ZNF277: variants seen among roughly 807,000 people sequenced by gnomAD.
ZNF277 encodes the protein zinc finger protein 277, also known as nuclear receptor-interacting factor 4.
A neutral mutation model predicts 60.7 loss-of-function variants in ZNF277; 55 were observed. The observed-to-expected ratio is 0.91, with a 90% CI of 0.73 to 1.13. The LOEUF is 1.13. Among genes scored for constraint, ZNF277 ranks in the 50% most tolerant of loss-of-function variants. ZNF277 has a pLI of 0.00. For missense variants in ZNF277, 510 were observed against 523.0 expected, an observed-to-expected ratio of 0.98 and a Z score of 0.24; for synonymous variants, 178 against 179.3, an observed-to-expected ratio of 0.99 and a Z score of 0.06.
chr7:112,283,746 G>A (rs925197906), intron 1 of ZNF277, among the ~76,000 whole-genome samples: 3 of 152,084 alleles, frequency 2.0e-5, no homozygotes, highest in Non-Finnish European at 2.9e-5. Flanking sequence ...GAACCACAGA[G>A]GAATAATAGA....
intron 4 of ZNF277, among the ~76,000 whole-genome samples, chr7:112,312,953 T>G (rs1036349839): frequency 1.3e-5 from 2 of 152,136 alleles, no homozygotes; most frequent in African/African-American, 4.8e-5. Context: ...TTTTTTCATA[T>G]TTTATGTATA....
At chr7:112,253,190 G>T (rs1382871434) in intron 1 of ZNF277, among the ~76,000 whole-genome samples, 3 of 152,104 alleles carry the variant, frequency 2.0e-5, no homozygotes, top group Non-Finnish European at 4.4e-5. Flanking sequence ...CAAATATCGG[G>T]TGTGGTAAAT....
At chr7:112,318,413 A>G in intron 5 of ZNF277, 140 bp downstream of exon 5, 1 of 653,060 alleles carries the variant, frequency 1.5e-6, no homozygotes. Context: ...TTTTAAAAAT[A>G]TACCCAACGT....
intron 1 of ZNF277, among the ~76,000 whole-genome samples, chr7:112,272,499 T>A (rs765748380): frequency 6.6e-5 from 10 of 152,186 alleles, no homozygotes; most frequent in Non-Finnish European, 1.5e-4. Context: ...TTTGTTTCTT[T>A]GTTTATTTTT....
chr7:112,258,905 A>G (rs1166991596), intron 1 of ZNF277, among the ~76,000 whole-genome samples: 2 of 148,854 alleles, frequency 1.3e-5, no homozygotes, highest in South Asian at 4.1e-4. Context: ...AACAAAACAT[A>G]TCTTCATAAA....
In ZNF277 at chr7:112,278,920, C is replaced by A. The variant is rs563302780; in HGVS notation, c.92-7953C>A. Among the ~76,000 whole-genome samples the A allele has an allele frequency of 3.3e-5, 5 of 152,286 alleles. No individual in the cohort carries two copies. The South Asian group carries it at 1.0e-3, about 32-fold the overall frequency. Reference sequence around the variant, plus strand: ...CCCCTTTTCCCCACTTTCCCCAGCCCTGGCAACCACCATTCTACTTTCTGC... The same window carrying A: ...CCCCTTTTCCCCACTTTCCCCAGCCATGGCAACCACCATTCTACTTTCTGC... On this transcript the variant is annotated intron_variant, in intron 1 of 11. Transcript: ENST00000361822.
chr7:112,276,627 C>T (rs180837274), intron 1 of ZNF277, among the ~76,000 whole-genome samples: 1 of 152,120 alleles, frequency 6.6e-6, no homozygotes, highest in African/African-American at 2.4e-5. Context: ...AATTTTAGAA[C>T]CCACTCCTAT....
chr7:112,240,557 CAAA>C (rs755323658), intron 1 of ZNF277, among the ~76,000 whole-genome samples: 19 of 151,778 alleles, frequency 1.3e-4, no homozygotes, highest in Non-Finnish European at 2.5e-4. Context: ...TATGTACCCA[CAAA>C]AAAATTTTTA....
At chr7:112,322,521 T>C (rs1020921785) in intron 5 of ZNF277, among the ~76,000 whole-genome samples, 13 of 152,084 alleles carry the variant, frequency 8.5e-5, no homozygotes, top group Non-Finnish European at 1.8e-4. Context: ...TTAAAAAAAA[T>C]ACTTTCTGGC....
chr7:112,282,501 A>G (rs1306909207), intron 1 of ZNF277, among the ~76,000 whole-genome samples: 3 of 152,214 alleles, frequency 2.0e-5, no homozygotes, highest in African/African-American at 7.2e-5. Flanking sequence ...ATTTTGTGCT[A>G]TCTCCCCAGC....
intron 1 of ZNF277, among the ~76,000 whole-genome samples, chr7:112,241,086 G>T (rs1042762136): frequency 1.3e-5 from 2 of 151,674 alleles, no homozygotes; most frequent in South Asian, 4.2e-4. Context: ...ATCGGAGAAC[G>T]TATTTGCAAA....
chr7:112,265,738 C>CT (rs1791536143), intron 1 of ZNF277, among the ~76,000 whole-genome samples: 1 of 152,078 alleles, frequency 6.6e-6, no homozygotes, highest in South Asian at 2.1e-4. Flanking sequence ...GGTATTTTTT[C>CT]TTTTCACTTT....
chr7:112,280,751 G>T (rs1294001398), intron 1 of ZNF277, among the ~76,000 whole-genome samples: 1 of 151,666 alleles, frequency 6.6e-6, no homozygotes, highest in African/African-American at 2.4e-5. Context: ...TCAGCCTCCC[G>T]AGTAGTGGGG....
intron 1 of ZNF277, among the ~76,000 whole-genome samples, chr7:112,244,517 C>T (rs1791035044): frequency 6.6e-6 from 1 of 152,106 alleles, no homozygotes; most frequent in South Asian, 2.1e-4. Flanking sequence ...GACCCATTGA[C>T]ATTCTGCGTA....
chr7:112,229,122 A>G (rs1318136573), intron 1 of ZNF277, among the ~76,000 whole-genome samples: 1 of 152,240 alleles, frequency 6.6e-6, no homozygotes, highest in East Asian at 1.9e-4. Context: ...TAAAAGGACA[A>G]GACATAGTTG....
At chr7:112,211,595 ACTTTACCTC>A (rs1311507151) in intron 1 of ZNF277, among the ~76,000 whole-genome samples, 1 of 152,198 alleles carries the variant, frequency 6.6e-6, no homozygotes. Flanking sequence ...CTGACTCTTG[ACTTTACCTC>A]CTTTAATCCA....
At chr7:112,311,414 A>G (rs1483761083) in intron 4 of ZNF277, among the ~76,000 whole-genome samples, 1 of 152,136 alleles carries the variant, frequency 6.6e-6, no homozygotes, top group Non-Finnish European at 1.5e-5. Flanking sequence ...ACTGATTTTT[A>G]TCAGCTTCTT....
intron 4 of ZNF277, among the ~76,000 whole-genome samples, chr7:112,316,973 T>TA (rs59307586): frequency 0.33 from 49,585 of 151,724 alleles, 10,729 homozygotes; most frequent in African/African-American, 0.61. Flanking sequence ...TATGCAGCCA[T>TA]AAAAAGGGCA....
chr7:112,262,459 C>T (rs1791460391), intron 1 of ZNF277, among the ~76,000 whole-genome samples: 1 of 151,870 alleles, frequency 6.6e-6, no homozygotes, highest in Non-Finnish European at 1.5e-5. Context: ...TTTTTAGATT[C>T]AATTTTTATA....
Sources: gnomAD v4.1 joint callset for allele counts (sites outside exome capture counted in the v4.1 genomes callset) on GRCh38, gnomAD v4.1.1 for gene constraint, MANE v1.5 for transcripts, NCBI Gene and HGNC (gene_info 2026-07-23, HGNC 2026-07-21) for gene names.